The following TBC1D22A variants were observed in gnomAD, a reference collection of about 807,000 sequenced individuals.
The protein encoded by TBC1D22A is TBC1 domain family member 22A.
A neutral mutation model predicts 60.2 loss-of-function variants in TBC1D22A; 38 were observed. The observed-to-expected ratio is 0.63, with a 90% CI of 0.49 to 0.83. TBC1D22A has a LOEUF of 0.83. Ranked by LOEUF, TBC1D22A falls within the 40% of genes least tolerant of loss-of-function variation. The pLI, the probability that TBC1D22A is intolerant of heterozygous loss-of-function variation, is 0.00. For synonymous variants in TBC1D22A, 302 were observed against 281.7 expected (o/e 1.07, Z -0.72); for missense variants, 628 against 701.0 (o/e 0.90, Z 1.18).
chr22:46,874,045 C>T (rs6009012), intron 4 of TBC1D22A, among the ~76,000 whole-genome samples: 1,908 of 152,276 alleles, frequency 0.013, 44 homozygotes, highest in African/African-American at 0.044. Flanking sequence ...CTCCTGACCT[C>T]GTGATCGGCC....
At chr22:46,999,061 G>A (rs951232923) in intron 10 of TBC1D22A, among the ~76,000 whole-genome samples, 2 of 152,210 alleles carry the variant, frequency 1.3e-5, no homozygotes, top group African/African-American at 4.8e-5. Flanking sequence ...TTCTGAGCAG[G>A]TTCCTCCTTT....
At chr22:46,941,868 ATG>A (rs199564154) in intron 8 of TBC1D22A, among the ~76,000 whole-genome samples, 73 of 68,028 alleles carry the variant, frequency 1.1e-3, no homozygotes, top group African/African-American at 1.7e-3. Flanking sequence ...TATAGAATAT[ATG>A]TGTATAGAAT....
intron 11 of TBC1D22A, among the ~76,000 whole-genome samples, chr22:47,061,109 G>T (rs1303710638): frequency 1.3e-5 from 2 of 150,570 alleles, no homozygotes; most frequent in Non-Finnish European, 2.9e-5. Context: ...CTTCCTCGGT[G>T]CCCTCACCAC....
At chr22:47,057,436 A>C (rs2063431387) in intron 11 of TBC1D22A, among the ~76,000 whole-genome samples, 1 of 152,190 alleles carries the variant, frequency 6.6e-6, no homozygotes, top group Admixed American at 6.5e-5. Flanking sequence ...ACAGTGCTAC[A>C]CTTTCTTTCC....
At chr22:47,048,374 C>T (rs1318427990) in intron 11 of TBC1D22A, among the ~76,000 whole-genome samples, 1 of 152,128 alleles carries the variant, frequency 6.6e-6, no homozygotes, top group Middle Eastern at 3.2e-3. Flanking sequence ...GGACGCGTCA[C>T]CTTCCAGGAC....
At chr22:47,051,417 A>G (rs61130582) in intron 11 of TBC1D22A, among the ~76,000 whole-genome samples, 3,174 of 152,286 alleles carry the variant, frequency 0.021, 133 homozygotes, top group African/African-American at 0.072. Context: ...AGAACAGTCT[A>G]GTTCCGGAAT....
intron 8 of TBC1D22A, among the ~76,000 whole-genome samples, chr22:46,940,453 AATAT>A (rs58629182): frequency 3.5e-5 from 5 of 142,704 alleles, no homozygotes; most frequent in East Asian, 2.1e-4. Flanking sequence ...GGGGCACTAG[AATAT>A]ATATATATAT....
At position 46,801,168 on chromosome 22, in the gene TBC1D22A, C is replaced by T. The variant is rs138698230; in HGVS notation, c.637+3548C>T. On this transcript the variant is annotated intron_variant, in intron 4 of 12. Coordinates refer to ENST00000337137, the MANE Select transcript of TBC1D22A (RefSeq NM_014346.5). ...TCTATGTAAATATCAAATCTAAAAC[C>T]AAAAAGCTAAATGCAGAGCTTTCAA... Among the ~76,000 whole-genome samples the T allele has an allele frequency of 2.6e-5, 4 of 152,210 alleles. No individual in the cohort carries two copies. The East Asian group carries it at 5.8e-4, about 22-fold the overall frequency.
intron 11 of TBC1D22A, among the ~76,000 whole-genome samples, chr22:47,049,244 T>A (rs887184081): frequency 1.3e-5 from 2 of 152,228 alleles, no homozygotes; most frequent in African/African-American, 4.8e-5. Context: ...ACTGTTCCAG[T>A]ATTGACATTT....
intron 4 of TBC1D22A, among the ~76,000 whole-genome samples, chr22:46,856,209 T>C (rs1455145953): frequency 2.0e-5 from 3 of 152,208 alleles, no homozygotes; most frequent in Non-Finnish European, 4.4e-5. Flanking sequence ...GGTGAAAAGC[T>C]GTCTTAGGAG....
chr22:46,778,807 G>T (rs2083813426), intron 1 of TBC1D22A, among the ~76,000 whole-genome samples: 1 of 152,166 alleles, frequency 6.6e-6, no homozygotes, highest in African/African-American at 2.4e-5. Flanking sequence ...ACTCTGGGAG[G>T]CCAAGGCAGG....
chr22:47,072,216 G>A (rs1008236068), intron 11 of TBC1D22A, among the ~76,000 whole-genome samples: 2 of 152,198 alleles, frequency 1.3e-5, no homozygotes, highest in Non-Finnish European at 2.9e-5. Flanking sequence ...GCCCTCCTGG[G>A]GTGCAGGCCG....
At chr22:46,856,227 G>C (rs368538064) in intron 4 of TBC1D22A, among the ~76,000 whole-genome samples, 1 of 152,318 alleles carries the variant, frequency 6.6e-6, no homozygotes, top group Admixed American at 6.5e-5. Flanking sequence ...GAGCCTCTGC[G>C]TGGCTGCCCC....
At chr22:46,843,547 G>T (rs2086866337) in intron 4 of TBC1D22A, among the ~76,000 whole-genome samples, 1 of 151,930 alleles carries the variant, frequency 6.6e-6, no homozygotes, top group Admixed American at 6.5e-5. Flanking sequence ...AGTACATTTT[G>T]GGTGACGCCT....
chr22:46,774,513 G>A (rs1291444570), intron 1 of TBC1D22A, among the ~76,000 whole-genome samples: 2 of 152,250 alleles, frequency 1.3e-5, no homozygotes, highest in Non-Finnish European at 2.9e-5. Context: ...ATACCTGTGG[G>A]TTTCCTTATT....
At chr22:46,952,715 C>T (rs1042249880) in intron 8 of TBC1D22A, among the ~76,000 whole-genome samples, 135 of 152,298 alleles carry the variant, frequency 8.9e-4, no homozygotes, top group African/African-American at 3.2e-3. Context: ...GCTGCCTTGG[C>T]CATATTCTTT....
intron 12 of TBC1D22A, among the ~76,000 whole-genome samples, chr22:47,173,238 G>A (rs527680732): frequency 3.3e-5 from 5 of 152,328 alleles, no homozygotes; most frequent in Admixed American, 6.5e-5. Context: ...GCCGTGGGGC[G>A]AGGCCTGGGG....
In TBC1D22A at chr22:47,013,760, G is replaced by A. The variant is rs116584455; in HGVS notation, c.1201+16051G>A. ...GTCCCAGCATTGGAGGGCACATCCCGTCTTTCTACTCCTCTCTACCCCCTC... is the reference window on the plus strand; with the variant it reads ...GTCCCAGCATTGGAGGGCACATCCCATCTTTCTACTCCTCTCTACCCCCTC... On this transcript the variant is annotated intron_variant, in intron 10 of 12. Coordinates refer to ENST00000337137, the MANE Select transcript of TBC1D22A (RefSeq NM_014346.5). 3.4e-3 allele frequency among the ~76,000 whole-genome samples: 525 copies of A among 152,302 alleles called. 7 individuals carry two copies. The highest frequency in any genetic ancestry group is 0.012 in the African/African-American group (504 of 41,558).
intron 12 of TBC1D22A, among the ~76,000 whole-genome samples, chr22:47,161,791 G>A (rs778749432): frequency 2.0e-5 from 3 of 152,252 alleles, no homozygotes; most frequent in Non-Finnish European, 4.4e-5. Flanking sequence ...CCGACAGTGT[G>A]AGCTTGAGCT....
Sources: gnomAD v4.1 joint callset for allele counts (sites outside exome capture counted in the v4.1 genomes callset) on GRCh38, gnomAD v4.1.1 for gene constraint, MANE v1.5 for transcripts, NCBI Gene and HGNC (gene_info 2026-07-23, HGNC 2026-07-21) for gene names.